Variants in FAXDC2 observed in about 807,000 individuals in gnomAD.
FAXDC2 encodes the protein fatty acid hydroxylase domain-containing protein 2.
FAXDC2 carries 41 observed loss-of-function variants against 40.9 expected under a neutral mutation model. The observed-to-expected ratio is 1.00, with a 90% CI of 0.78 to 1.30. FAXDC2 has a LOEUF of 1.30. FAXDC2 is among the 50% of genes most tolerant of loss of function. FAXDC2 has a pLI of 0.00. For missense variants in FAXDC2, 390 were observed against 408.8 expected, an observed-to-expected ratio of 0.95 and a Z score of 0.40; for synonymous variants, 157 against 149.3, an observed-to-expected ratio of 1.05 and a Z score of -0.38.
At position 154,820,258 on chromosome 5, in the gene FAXDC2, G is replaced by A; in HGVS notation, c.*58C>T. ...GAGGCAAATTGTTAGGTGCAATCAG[G>A]AAGCCGTGTCTGCATCCCATGGCTG... On this transcript the variant is annotated 3_prime_UTR_variant, in exon 9 of 9. Coordinates refer to ENST00000326080, the MANE Select transcript of FAXDC2 (RefSeq NM_032385.5). The A allele has an allele frequency of 7.1e-7, 1 of 1,417,460 alleles. No individual in the cohort carries two copies. The highest frequency in any genetic ancestry group is 9.6e-7 in the Non-Finnish European group (1 of 1,040,630). 87.8% of individuals were successfully genotyped at this position (1,417,460 alleles called of 1,614,324 possible).
chr5:154,845,263 G>C (rs1416063594), intron 1 of FAXDC2, among the ~76,000 whole-genome samples: 1 of 152,204 alleles, frequency 6.6e-6, no homozygotes, highest in African/African-American at 2.4e-5. Flanking sequence ...TTCTAGGGGA[G>C]ACCTCAAACA....
At chr5:154,827,421 T>TTGTGTGTG (rs10528622) in intron 5 of FAXDC2, among the ~76,000 whole-genome samples, 27,702 of 138,418 alleles carry the variant, frequency 0.2, 3,315 homozygotes, top group Middle Eastern at 0.3. Flanking sequence ...TTCTGTTATT[T>TTGTGTGTG]TGTGTGTGTG....
intron 1 of FAXDC2, among the ~76,000 whole-genome samples, chr5:154,841,098 A>G (rs1413447687): frequency 2.0e-5 from 3 of 152,096 alleles, no homozygotes; most frequent in Non-Finnish European, 4.4e-5. Context: ...AGCAGGCACC[A>G]GGATGTTTGG....
At chr5:154,844,271 A>C (rs1343530013) in intron 1 of FAXDC2, among the ~76,000 whole-genome samples, 2 of 151,850 alleles carry the variant, frequency 1.3e-5, no homozygotes, top group Non-Finnish European at 2.9e-5. Context: ...CCCTACAAAA[A>C]ATTAAAAAGA....
At chr5:154,820,644 G>A (rs567565651) in intron 8 of FAXDC2, 172 bp from the exon 9 acceptor site, 12 of 534,698 alleles carry the variant, frequency 2.2e-5, no homozygotes, top group South Asian at 2.2e-4. Flanking sequence ...TGCATCTCCC[G>A]GGGGCCACTC....
At chr5:154,850,389 G>A (rs1760700321) in intron 1 of FAXDC2, 94 bp downstream of exon 1, 2 of 152,256 alleles carry the variant, frequency 1.3e-5, no homozygotes, top group African/African-American at 4.8e-5. Context: ...TGGTGGCAGA[G>A]GTGGGAAGAG....
chr5:154,828,862 A>C (rs1303065155), intron 5 of FAXDC2, among the ~76,000 whole-genome samples: 2 of 150,350 alleles, frequency 1.3e-5, no homozygotes, highest in Non-Finnish European at 3.0e-5. Context: ...CTGCCTCCCA[A>C]AGTGCTGAGA....
chr5:154,844,217 CAA>C (rs111475143), intron 1 of FAXDC2, among the ~76,000 whole-genome samples: 6 of 132,540 alleles, frequency 4.5e-5, no homozygotes, highest in African/African-American at 8.3e-5. Flanking sequence ...GACTCTGTCT[CAA>C]AAAAAAAAAA....
chr5:154,841,679 C>G (rs1217171937), intron 1 of FAXDC2, among the ~76,000 whole-genome samples: 2 of 152,110 alleles, frequency 1.3e-5, no homozygotes, highest in Admixed American at 6.6e-5. Context: ...GATAAGGGTC[C>G]CTTCAGAGAA....
At chr5:154,837,855 C>CTACA (rs1328581733) in intron 2 of FAXDC2, among the ~76,000 whole-genome samples, 2 of 152,148 alleles carry the variant, frequency 1.3e-5, no homozygotes, top group Non-Finnish European at 2.9e-5. Context: ...ATGCCAAGGG[C>CTACA]TACAGGCAGG....
At chr5:154,835,966 C>T (rs1161248181) in intron 2 of FAXDC2, among the ~76,000 whole-genome samples, 2 of 137,714 alleles carry the variant, frequency 1.5e-5, no homozygotes, top group Non-Finnish European at 3.1e-5. Context: ...TCTTGGCTCA[C>T]TGCAACCTCC....
At chr5:154,822,428 G>A (rs751758237) in intron 7 of FAXDC2, 44 bp downstream of exon 7, 47 of 1,420,116 alleles carry the variant, frequency 3.3e-5, no homozygotes, top group Non-Finnish European at 4.5e-5. Context: ...AAGGTGGTTG[G>A]GGCCATCTGC....
At position 154,818,934 on chromosome 5, in the gene FAXDC2, C is replaced by G. The variant is rs1759802485; in HGVS notation, c.*1382G>C. On this transcript the variant is annotated 3_prime_UTR_variant, in exon 9 of 9. Transcript: ENST00000326080. ...AGGGAGGGAGCCAGGTCCACCAAGG[C>G]CAGAGACAGACAGGCGAGACTGTGG... is the stretch of plus-strand genomic sequence containing the variant. 1 of 152,256 alleles carries G rather than the reference C, an allele frequency of 6.6e-6. No individual in the cohort carries two copies. The highest frequency in any genetic ancestry group is 2.4e-5 in the African/African-American group (1 of 41,434). The allele number at this position is 152,256 out of a possible 1,614,324, so 9.4% of individuals were successfully genotyped here. A position where few individuals can be genotyped will look rare whatever the true frequency, so the allele number is the denominator to read the frequency against.
intron 2 of FAXDC2, among the ~76,000 whole-genome samples, chr5:154,835,432 C>T (rs4076132): frequency 0.014 from 2,062 of 152,320 alleles, 45 homozygotes; most frequent in African/African-American, 0.048. Context: ...AGATAGTCAT[C>T]ATAGCAGCAT....
chr5:154,821,062 A>AC, intron 8 of FAXDC2, 198 bp downstream of exon 8: 2 of 567,638 alleles, frequency 3.5e-6, no homozygotes, highest in Non-Finnish European at 6.3e-6. Context: ...AAGGTTTAAA[A>AC]CCCCCAGTTG....
At chr5:154,838,574 A>T (rs1303211883) in intron 1 of FAXDC2, 1 of 236,790 alleles carries the variant, frequency 4.2e-6, no homozygotes, top group Non-Finnish European at 8.1e-6. Flanking sequence ...CAGAACTCAA[A>T]GAGTAGTTCT....
At position 154,823,338 on chromosome 5, in the gene FAXDC2, C is replaced by G. The variant is rs547931340; in HGVS notation, c.572+49G>C. The G allele has an allele frequency of 2.7e-5, 42 of 1,560,462 alleles. 1 individual carries two copies. The South Asian group carries it at 4.7e-4, about 17-fold the overall frequency. On this transcript the variant is annotated intron_variant, in intron 6 of 8. Transcript: ENST00000326080. ...CTCAGTTTCCTTGTTGATCAGTGAG[C>G]CCTAGACAGGATGAGGAGCCAGCTG...
At chr5:154,823,706 A>ACACAGC (rs375847933) in intron 5 of FAXDC2, 114 bp from the exon 6 acceptor site, 30 of 812,794 alleles carry the variant, frequency 3.7e-5, no homozygotes, top group Non-Finnish European at 5.8e-5. Context: ...ATGTCGGGGG[A>ACACAGC]CAGCCAGTAG....
chr5:154,843,186 GGTTT>G (rs760536522), intron 1 of FAXDC2, among the ~76,000 whole-genome samples: 5 of 152,242 alleles, frequency 3.3e-5, no homozygotes, highest in East Asian at 1.9e-4. Flanking sequence ...GAGGATTTGG[GGTTT>G]GTTTGTTTGC....
Sources: gnomAD v4.1 joint callset for allele counts (sites outside exome capture counted in the v4.1 genomes callset) on GRCh38, gnomAD v4.1.1 for gene constraint, MANE v1.5 for transcripts, NCBI Gene and HGNC (gene_info 2026-07-23, HGNC 2026-07-21) for gene names.